Variants in RFT1 observed in about 807,000 individuals in gnomAD.
RFT1 encodes the protein RFT1 glycolipid translocator homolog, also known as man(5)GlcNAc(2)-PP-dolichol translocation protein RFT1.
In RFT1, 43 loss-of-function variants were observed where a neutral mutation model predicts 62.2. The observed-to-expected ratio is 0.69, with a 90% CI of 0.54 to 0.89. The LOEUF (loss-of-function observed/expected upper bound fraction) is 0.89, where lower values mean the gene tolerates loss of function less well. RFT1 is among the 40% of genes least tolerant of loss of function. The pLI is 0.00. For missense variants in RFT1, 605 were observed against 649.9 expected, an observed-to-expected ratio of 0.93 and a Z score of 0.75; for synonymous variants, 262 against 264.6, an observed-to-expected ratio of 0.99 and a Z score of 0.10.
the RFT1 span, among the ~76,000 whole-genome samples, chr3:53,070,399 T>G: frequency 1.5e-5 from 2 of 133,992 alleles, no homozygotes; most frequent in Non-Finnish European, 3.2e-5. Context: ...TATGGTTTTT[T>G]TTTTTTTTTT....
In RFT1 at chr3:53,099,527, G is replaced by C. The variant is rs540233308; in HGVS notation, c.1103-41C>G. ...TCACTGAGACTCCAGAGCCCAATCA[G>C]AAGGCCCACATGTACCCTCAGTGCT... On this transcript the variant is annotated intron_variant, in intron 10 of 12. Coordinates refer to ENST00000296292, the MANE Select transcript of RFT1 (RefSeq NM_052859.4). The C allele has an allele frequency of 9.5e-4, 1,434 of 1,504,788 alleles. 46 individuals are homozygous for C. The South Asian group carries it at 0.015, about 16-fold the overall frequency. 93.2% of individuals were successfully genotyped at this position (1,504,788 alleles called of 1,614,324 possible).
intron 7 of RFT1, 46 bp from the exon 8 acceptor site, chr3:53,106,915 A>G: frequency 7.1e-7 from 1 of 1,408,154 alleles, no homozygotes; most frequent in Non-Finnish European, 1.0e-6. Context: ...AATGCACATT[A>G]CTTTATTGTT....
intron 7 of RFT1, 129 bp downstream of exon 7, chr3:53,111,700 CT>C: frequency 1.3e-6 from 1 of 776,500 alleles, no homozygotes; most frequent in Non-Finnish European, 2.3e-6. Flanking sequence ...ATTAAGCCCC[CT>C]CCTCCCATTT....
At chr3:53,078,632 C>T in the RFT1 span, among the ~76,000 whole-genome samples, 3 of 152,190 alleles carry the variant, frequency 2.0e-5, no homozygotes, top group Non-Finnish European at 2.9e-5. Flanking sequence ...GTCCCAGCTA[C>T]TCCAGAGGCT....
intron 10 of RFT1, 61 bp from the exon 11 acceptor site, chr3:53,099,547 A>C: frequency 1.1e-5 from 14 of 1,269,838 alleles, no homozygotes; most frequent in South Asian, 2.4e-5. Context: ...ATGTACCCTC[A>C]GTGCTGCTGA....
chr3:53,119,809 A>G, intron 6 of RFT1, 75 bp downstream of exon 6: 1 of 1,297,072 alleles, frequency 7.7e-7, no homozygotes, highest in Non-Finnish European at 1.1e-6. Context: ...ACAATAAACC[A>G]GTTGCAGTTT....
Position 53,130,341 on chromosome 3 carries a change from CAGG to C in RFT1, c.57_59del (p.Leu20del). ...GAACCTGAAGGGCAGAGAGTACCTG[CAGG>C]AGGAGACCGGAGGAGGCCAGCCGGG... On this transcript the variant is annotated inframe_deletion, in exon 1 of 13. Transcript: ENST00000296292. 2 of 1,568,486 alleles carry C rather than the reference CAGG, an allele frequency of 1.3e-6. No homozygotes were observed. Among genetic ancestry groups the C allele is most frequent in the South Asian group, 1.2e-5 (1 of 85,320 alleles).
chr3:53,094,337 T>TA (rs1264661406), intron 11 of RFT1, among the ~76,000 whole-genome samples: 1 of 139,530 alleles, frequency 7.2e-6, no homozygotes, highest in Non-Finnish European at 1.5e-5. Context: ...AAGTGGGTGG[T>TA]AAAAATACTA....
At chr3:53,117,176 A>G (rs1039919416) in intron 6 of RFT1, among the ~76,000 whole-genome samples, 9 of 152,232 alleles carry the variant, frequency 5.9e-5, no homozygotes, top group African/African-American at 2.4e-5. Context: ...CTCATACATT[A>G]CTAAGAGAAT....
Position 53,130,384 on chromosome 3 carries a change from A to G in RFT1, c.17T>C (p.Val6Ala), listed in dbSNP as rs1248165464. Residue 6 changes from valine (V) to alanine (A), a missense_variant, in exon 1 of 13, where the codon GTG (valine) becomes GCG (alanine). By Grantham distance (64) the Val-to-Ala change is moderately conservative. Coordinates refer to ENST00000296292, the MANE Select transcript of RFT1 (RefSeq NM_052859.4). ...GGCCAGCCGGGCCGCGTGGCCCAGC[A>G]CCTCCTGGCTGCCCATAGCCTCCGC... is the stretch of plus-strand genomic sequence containing the variant. MGSQE[V>A]LGHAARLASS... 1 of 1,558,264 alleles carries G rather than the reference A, an allele frequency of 6.4e-7. No individual in the cohort carries two copies. The highest frequency in any genetic ancestry group is 8.7e-7 in the Non-Finnish European group (1 of 1,151,408).
In RFT1 at chr3:53,121,808, CAT is replaced by C. The variant is rs778675860; in HGVS notation, c.457-10_457-9del. On this transcript the variant is annotated splice_polypyrimidine_tract_variant and intron_variant, in intron 4 of 12. Coordinates refer to ENST00000296292, the MANE Select transcript of RFT1 (RefSeq NM_052859.4). Reference sequence around the variant, plus strand: ...CAGGCTCTCTGCAATCACCTGCAAACATGTGGTTAAGGTGCAGTTTACAAACA... The same window carrying C: ...CAGGCTCTCTGCAATCACCTGCAAACGTGGTTAAGGTGCAGTTTACAAACA... The C allele has an allele frequency of 8.9e-5, 143 of 1,608,006 alleles. No homozygotes were observed. The African/African-American group carries it at 1.7e-3, about 19-fold the overall frequency.
the RFT1 span, among the ~76,000 whole-genome samples, chr3:53,081,473 C>T: frequency 6.6e-6 from 1 of 152,128 alleles, no homozygotes; most frequent in Non-Finnish European, 1.5e-5. Flanking sequence ...ACCCAGGAAG[C>T]CTTGCTGCGG....
chr3:53,095,784 GC>G (rs1490574419), intron 11 of RFT1, among the ~76,000 whole-genome samples: 1 of 151,052 alleles, frequency 6.6e-6, no homozygotes, highest in Non-Finnish European at 1.5e-5. Flanking sequence ...ACCTGAAGAA[GC>G]CCCCAGCAGG....
chr3:53,093,144 C>A (rs998827373), intron 11 of RFT1, among the ~76,000 whole-genome samples: 2 of 152,128 alleles, frequency 1.3e-5, no homozygotes, highest in Admixed American at 6.5e-5. Flanking sequence ...TACCTCACAC[C>A]ACTGCCCTTG....
intron 3 of RFT1, among the ~76,000 whole-genome samples, chr3:53,123,456 C>T (rs1332935383): frequency 3.3e-5 from 5 of 152,198 alleles, no homozygotes; most frequent in African/African-American, 1.2e-4. Flanking sequence ...AAACCACCTC[C>T]AAAGAGGATG....
rs913477149 is a variant in RFT1, at chr3:53,105,728, T to C, written c.902A>G (p.Tyr301Cys). ...LIFQPIEESF[Y>C]IFFAKVLERG... ...CTCCAGCACCTTAGCAAAAAATATA[T>C]AAAAACTTTCCTCTATTGGCTGGAA... The change falls in exon 9 of 13, where the codon TAT (tyrosine) becomes TGT (cysteine). Residue 301 changes from tyrosine (Y) to cysteine (C), a missense_variant. Coordinates refer to ENST00000296292, the MANE Select transcript of RFT1 (RefSeq NM_052859.4). The C allele has an allele frequency of 2.5e-6, 4 of 1,613,730 alleles. No individual in the cohort carries two copies. Among genetic ancestry groups the C allele is most frequent in the Non-Finnish European group, 1.7e-6 (2 of 1,179,862 alleles).
intron 2 of RFT1, 90 bp from the exon 3 acceptor site, chr3:53,123,930 G>T: frequency 9.4e-7 from 1 of 1,064,742 alleles, no homozygotes; most frequent in Non-Finnish European, 1.4e-6. Flanking sequence ...AGGAGATAAA[G>T]TCTTGGTCAT....
chr3:53,070,424 C>T, the RFT1 span, among the ~76,000 whole-genome samples: 12 of 48,542 alleles, frequency 2.5e-4, no homozygotes, highest in Non-Finnish European at 4.8e-4. Flanking sequence ...TTTTTTGAGA[C>T]GGAGTCTCAC....
downstream of RFT1, among the ~76,000 whole-genome samples, chr3:53,085,347 G>T (rs1700833626): frequency 6.6e-6 from 1 of 152,190 alleles, no homozygotes; most frequent in South Asian, 2.1e-4. Context: ...CCCTGCTCCT[G>T]GCATCCCCTT....
Sources: gnomAD v4.1 joint callset for allele counts (sites outside exome capture counted in the v4.1 genomes callset) on GRCh38, gnomAD v4.1.1 for gene constraint, MANE v1.5 for transcripts, NCBI Gene and HGNC (gene_info 2026-07-23, HGNC 2026-07-21) for gene names.